SREK1: variants seen among roughly 807,000 people sequenced by gnomAD.
The protein encoded by SREK1 is splicing regulatory glutamic acid and lysine rich protein 1.
SREK1 carries 13 observed loss-of-function variants against 66.5 expected under a neutral mutation model. The ratio of observed to expected loss-of-function variants is 0.20; its 90% CI spans 0.13 to 0.31. SREK1 has a LOEUF of 0.31. SREK1 is among the 10% of genes least tolerant of loss of function. The pLI, the probability that SREK1 is intolerant of heterozygous loss-of-function variation, is 1.00. For missense variants in SREK1, 607 were observed against 769.6 expected (o/e 0.79, Z 2.50); for synonymous variants, 265 against 263.5 (o/e 1.01, Z -0.05).
chr5:66,158,793 T>C (rs1219139095), intron 2 of SREK1: 1 of 1,287,478 alleles, frequency 7.8e-7, no homozygotes. Flanking sequence ...GTATCTGATG[T>C]TCTGTGTGCT....
intron 5 of SREK1, chr5:66,163,471 C>T (rs768901357): frequency 2.5e-4 from 51 of 200,824 alleles, no homozygotes; most frequent in Non-Finnish European, 5.2e-4. Context: ...AGAAATGATT[C>T]ATTTTCATAT....
At chr5:66,147,741 C>T (rs1365846631) in intron 1 of SREK1, among the ~76,000 whole-genome samples, 1 of 152,194 alleles carries the variant, frequency 6.6e-6, no homozygotes, top group Non-Finnish European at 1.5e-5. Flanking sequence ...TGTGATCCCA[C>T]CACTCTATCA....
At chr5:66,161,773 T>C (rs1042197370) in intron 3 of SREK1, among the ~76,000 whole-genome samples, 1 of 152,194 alleles carries the variant, frequency 6.6e-6, no homozygotes, top group African/African-American at 2.4e-5. Context: ...CTTCACCCTG[T>C]ATTTTCCCTA....
chr5:66,181,081 TTCTTGC>T lies in SREK1; in HGVS notation c.*2215_*2220del. Reference sequence around the variant, plus strand: ...TGTTGGTAATTAACATTTAATTTGGTTCTTGCTGCTAATTATTTTCTCTGCTGATAT... The same window carrying T: ...TGTTGGTAATTAACATTTAATTTGGTTGCTAATTATTTTCTCTGCTGATAT... On this transcript the variant is annotated 3_prime_UTR_variant, in exon 12 of 12. Transcript: ENST00000334121. 6.6e-6 allele frequency: 1 copy of T among 152,318 alleles called. No homozygotes were observed. The highest frequency in any genetic ancestry group is 2.1e-4 in the South Asian group (1 of 4,832). 9.4% of individuals were successfully genotyped at this position (152,318 alleles called of 1,614,324 possible). A position where few individuals can be genotyped will look rare whatever the true frequency, so the allele number is the denominator to read the frequency against.
rs1325396502 is a variant in SREK1, at chr5:66,181,011, G to C, written c.*2143G>C. On this transcript the variant is annotated 3_prime_UTR_variant, in exon 12 of 12. Transcript: ENST00000334121. ...GTGTCTATAAAACAAGTCATTTAAA[G>C]TATGAGTGTTTTCTTGTACTCTGGA... 1 of 152,194 alleles carries C rather than the reference G, an allele frequency of 6.6e-6. No homozygotes were observed. The highest frequency in any genetic ancestry group is 1.5e-5 in the Non-Finnish European group (1 of 68,018). The allele number at this position is 152,194 out of a possible 1,614,324, so 9.4% of individuals were successfully genotyped here. A position where few individuals can be genotyped will look rare whatever the true frequency, so the allele number is the denominator to read the frequency against.
Position 66,178,660 on chromosome 5 carries a change from G to A in SREK1, c.1726-59G>A, listed in dbSNP as rs186080809. The stretch of plus-strand genomic sequence containing the variant: ...AAAGATAAAGTTTCACATTTTTGTC[G>A]TCATAGCAGGCAGTTCTTGAGGAAA... On this transcript the variant is annotated intron_variant, in intron 11 of 11. Coordinates refer to ENST00000334121, the MANE Select transcript of SREK1 (RefSeq NM_001077199.3). The A allele has an allele frequency of 8.9e-5, 127 of 1,434,928 alleles. 1 individual carries two copies. The East Asian group carries it at 9.7e-4, about 11-fold the overall frequency. The allele number at this position is 1,434,928 out of a possible 1,614,324, so 88.9% of individuals were successfully genotyped here. A position where few individuals can be genotyped will look rare whatever the true frequency, so the allele number is the denominator to read the frequency against.
At chr5:66,154,917 A>G (rs892119597) in intron 2 of SREK1, among the ~76,000 whole-genome samples, 2 of 152,208 alleles carry the variant, frequency 1.3e-5, no homozygotes, top group African/African-American at 4.8e-5. Flanking sequence ...GAAATTTCAT[A>G]CTGAGAAACT....
Position 66,144,535 on chromosome 5 carries a change from G to A in SREK1, c.159G>A (p.Pro53=), listed in dbSNP as rs1432926074. 1 of 1,538,644 alleles carries A rather than the reference G, an allele frequency of 6.5e-7. No individual in the cohort carries two copies. Among genetic ancestry groups the A allele is most frequent in the South Asian group, 1.2e-5 (1 of 83,820 alleles). The part of the protein sequence containing the change: ...GEIEELRLYP[P]DNAPLAFSSK... ...TCGAGGAGCTGCGGCTCTACCCCCC[G>A]GAGTAAGTGCTGGAGCTCGGCTGGG... Residue 53 remains proline (P), a splice_region_variant and synonymous_variant, in exon 1 of 12, where the codon CCG becomes CCA. Transcript: ENST00000334121.
chr5:66,180,744 G>C lies in SREK1; in HGVS notation c.*1876G>C, dbSNP rs1746421352. The C allele has an allele frequency of 6.6e-6, 1 of 152,520 alleles. No individual in the cohort carries two copies. The highest frequency in any genetic ancestry group is 1.5e-5 in the Non-Finnish European group (1 of 68,006). 9.4% of individuals were successfully genotyped at this position (152,520 alleles called of 1,614,324 possible). Reference sequence around the variant, plus strand: ...AGCTTATTCTGATACAAGAATGCTTGGGTGCATATGGAAAGATTGTGAAAG... The same window carrying C: ...AGCTTATTCTGATACAAGAATGCTTCGGTGCATATGGAAAGATTGTGAAAG... On this transcript the variant is annotated 3_prime_UTR_variant, in exon 12 of 12. Transcript: ENST00000334121.
intron 2 of SREK1, among the ~76,000 whole-genome samples, chr5:66,155,676 A>G (rs1270042364): frequency 1.3e-5 from 2 of 152,334 alleles, no homozygotes; most frequent in East Asian, 3.9e-4. Flanking sequence ...AAAACCATAG[A>G]AAAAAATTTA....
intron 8 of SREK1, 46 bp downstream of exon 8, chr5:66,170,216 C>T (rs747302905): frequency 2.6e-5 from 41 of 1,581,634 alleles, no homozygotes; most frequent in Non-Finnish European, 3.3e-5. Context: ...CCTCAGAGTT[C>T]TGTTAGTGCT....
chr5:66,170,490 A>G (rs1355999147), intron 8 of SREK1, 95 bp from the exon 9 acceptor site: 5 of 1,414,086 alleles, frequency 3.5e-6, no homozygotes, highest in Non-Finnish European at 4.8e-6. Context: ...GGTACTATAA[A>G]TTGTCTTGTG....
intron 9 of SREK1, 89 bp downstream of exon 9, chr5:66,171,036 C>T (rs972548532): frequency 1.4e-5 from 20 of 1,453,102 alleles, no homozygotes; most frequent in Middle Eastern, 1.8e-4. Context: ...GGTTACTGTA[C>T]GCAAGTGGAA....
rs1057179113 is a variant in SREK1 at position 66,180,002 on chromosome 5, G to C, written c.*1134G>C. 2.0e-5 allele frequency: 3 copies of C among 152,492 alleles called. No homozygotes were observed. Among genetic ancestry groups the C allele is most frequent in the Non-Finnish European group, 4.4e-5 (3 of 67,970 alleles). 9.4% of individuals were successfully genotyped at this position (152,492 alleles called of 1,614,324 possible). On this transcript the variant is annotated 3_prime_UTR_variant, in exon 12 of 12. Transcript: ENST00000334121. ...ACTGTGATAATTGAAAATGAAACAT[G>C]TTCTTATTTTCCTTAAATTGAAGAA...
chr5:66,176,801 G>T (rs145371609), intron 10 of SREK1, among the ~76,000 whole-genome samples: 418 of 152,104 alleles, frequency 2.7e-3, no homozygotes, highest in Non-Finnish European at 4.5e-3. Context: ...TTTGTACATA[G>T]GAAAGTTATT....
chr5:66,159,715 C>CTGATA, intron 3 of SREK1, among the ~76,000 whole-genome samples: 2 of 152,204 alleles, frequency 1.3e-5, no homozygotes, highest in African/African-American at 4.8e-5. Flanking sequence ...AAAAACAGGT[C>CTGATA]TTTGTCTGAT....
At chr5:66,171,061 T>G (rs919358195) in intron 9 of SREK1, 114 bp downstream of exon 9, 1 of 1,265,832 alleles carries the variant, frequency 7.9e-7, no homozygotes, top group Admixed American at 3.0e-5. Flanking sequence ...TAAAGTAATA[T>G]AAGAACATTT....
At chr5:66,165,946 C>T (rs1430057761) in intron 7 of SREK1, 1 of 152,124 alleles carries the variant, frequency 6.6e-6, no homozygotes. Context: ...TTCTTAGATT[C>T]TAGTAAACAA....
Position 66,182,865 on chromosome 5 carries a change from G to A in SREK1, c.*3997G>A, listed in dbSNP as rs1420992168. 6.6e-6 allele frequency: 1 copy of A among 152,126 alleles called. No individual in the cohort carries two copies. Among genetic ancestry groups the A allele is most frequent in the Non-Finnish European group, 1.5e-5 (1 of 68,022 alleles). 9.4% of individuals were successfully genotyped at this position (152,126 alleles called of 1,614,324 possible). On this transcript the variant is annotated 3_prime_UTR_variant, in exon 12 of 12. Coordinates refer to ENST00000334121, the MANE Select transcript of SREK1 (RefSeq NM_001077199.3). ...TTACAGGTGTGAGGTACTGCACCTG[G>A]CAATACGTTATTTTAAAAGTAAACG...
Sources: gnomAD v4.1 joint callset for allele counts (sites outside exome capture counted in the v4.1 genomes callset) on GRCh38, gnomAD v4.1.1 for gene constraint, MANE v1.5 for transcripts, NCBI Gene and HGNC (gene_info 2026-07-23, HGNC 2026-07-21) for gene names.